The following GPR82 variants were observed in gnomAD, a reference collection of about 807,000 sequenced individuals.
GPR82 encodes probable G protein-coupled receptor 82.
In GPR82, 6 loss-of-function variants were observed where a neutral mutation model predicts 12.9. The ratio of observed to expected loss-of-function variants is 0.46; its 90% confidence interval spans 0.25 to 0.92. The LOEUF (loss-of-function observed/expected upper bound fraction) is 0.92, where lower values mean the gene tolerates loss of function less well. Ranked by LOEUF, GPR82 falls within the 40% of genes least tolerant of loss-of-function variation. GPR82 has a pLI of 0.16. For missense variants in GPR82, 241 were observed against 245.5 expected, an observed-to-expected ratio of 0.98 and a Z score of 0.12; for synonymous variants, 90 against 87.6, an observed-to-expected ratio of 1.03 and a Z score of -0.15.
At position 41,727,939 on chromosome X, in the gene GPR82, G is replaced by A; in HGVS notation, c.913G>A (p.Asp305Asn). The change falls in exon 3 of 3, where the codon GAC becomes AAC. Residue 305 changes from aspartate to asparagine, a missense_variant. Coordinates refer to ENST00000302548, the MANE Select transcript of GPR82 (RefSeq NM_080817.5). ...TCTTGCTTCGGCCAGAAGTAGCACA[G>A]ACCCCATTATATTTCTTTTATTAGA... is the stretch of plus-strand genomic sequence containing the variant. ...TCLASARSST[D>N]PIIFLLLDKT... 1 of 1,181,633 alleles carries A rather than the reference G, an allele frequency of 8.5e-7. No homozygotes were observed. The highest frequency in any genetic ancestry group is 1.2e-6 in the Non-Finnish European group (1 of 869,442).
chrX:41,729,781 A>AAT lies in GPR82; in HGVS notation c.*1769_*1770dup, dbSNP rs55635208. On this transcript the variant is annotated 3_prime_UTR_variant, in exon 3 of 3. Transcript: ENST00000302548. Reference sequence around the variant, plus strand: ...AAAAAAAAAAAAAAAAAAAAAAAAAAATATATATATATATATATATATATA... The same window carrying AAT: ...AAAAAAAAAAAAAAAAAAAAAAAAAAATATATATATATATATATATATATATA... 0.13 allele frequency: 4,855 copies of AAT among 38,384 alleles called. 345 individuals are homozygous for AAT. The highest frequency in any genetic ancestry group is 0.14 in the Non-Finnish European group (3,163 of 21,907). 3.2% of individuals were successfully genotyped at this position (38,384 alleles called of 1,213,427 possible).
intron 1 of GPR82, among the ~76,000 whole-genome samples, chrX:41,726,080 TG>T (rs1361562304): frequency 4.5e-5 from 5 of 112,126 alleles, no homozygotes; most frequent in Non-Finnish European, 9.4e-5. Flanking sequence ...CCCAAAGTGC[TG>T]GGATAACAGG....
chrX:41,725,386 C>CT (rs1481221345), intron 1 of GPR82, among the ~76,000 whole-genome samples: 30 of 110,884 alleles, frequency 2.7e-4, no homozygotes, highest in African/African-American at 9.5e-4. Flanking sequence ...CCCTGAGGGG[C>CT]TGGGGGGATA....
At position 41,727,922 on chromosome X, in the gene GPR82, C is replaced by T. The variant is rs761504013; in HGVS notation, c.896C>T (p.Ser299Leu). 23 of 1,191,862 alleles carry T rather than the reference C, an allele frequency of 1.9e-5. No individual in the cohort carries two copies. Among genetic ancestry groups the T allele is most frequent in the African/African-American group, 7.0e-5 (4 of 57,052 alleles). Residue 299 changes from serine (S) to leucine (L), a missense_variant, in exon 3 of 3, where the codon TCG (serine) becomes TTG (leucine). Transcript: ENST00000302548. The stretch of plus-strand genomic sequence containing the variant: ...AAAAACATTCTCACCTGTCTTGCTT[C>T]GGCCAGAAGTAGCACAGACCCCATT... ...ETKNILTCLA[S>L]ARSSTDPIIF... is the part of the protein sequence containing the mutation.
In GPR82 at chrX:41,728,589, C is replaced by G. The variant is rs1349064570; in HGVS notation, c.*552C>G. The G allele has an allele frequency of 2.8e-4, 34 of 119,886 alleles. No individual in the cohort carries two copies. The allele number at this position is 119,886 out of a possible 1,213,427, so 9.9% of individuals were successfully genotyped here. A position where few individuals can be genotyped will look rare whatever the true frequency, so the allele number is the denominator to read the frequency against. On this transcript the variant is annotated 3_prime_UTR_variant, in exon 3 of 3. Transcript: ENST00000302548. ...TGAAACCCTGTCTCTACTAAAAATA[C>G]AAAAATCAGCTGGACATGGTGGTGG...
At position 41,727,812 on chromosome X, in the gene GPR82, C is replaced by T. The variant is rs775208820; in HGVS notation, c.786C>T (p.Phe262=). 1 of 1,194,431 alleles carries T rather than the reference C, an allele frequency of 8.4e-7. No homozygotes were observed. Among genetic ancestry groups the T allele is most frequent in the Non-Finnish European group, 1.1e-6 (1 of 881,050 alleles). ...TCCAGATTCTACTAATAGTTTGCTT[C>T]CTTCCTTATAGTATTTTTAAACCCA... The part of the protein sequence containing the change: ...LVIQILLIVC[F]LPYSIFKPIF... The change falls in exon 3 of 3, where the codon TTC becomes TTT. Residue 262 remains phenylalanine, a synonymous_variant. Coordinates refer to ENST00000302548, the MANE Select transcript of GPR82 (RefSeq NM_080817.5).
Position 41,726,807 on chromosome X carries a change from T to G in GPR82, c.-71T>G. The G allele has an allele frequency of 3.6e-6, 1 of 279,418 alleles. No individual in the cohort carries two copies. Among genetic ancestry groups the G allele is most frequent in the Non-Finnish European group, 6.3e-6 (1 of 159,342 alleles). The allele number at this position is 279,418 out of a possible 1,213,427, so 23.0% of individuals were successfully genotyped here. ...TTATCCATCACAATAAGTAACTTTT[T>G]GTCTTTATTTCAACCGGACAATCGT... On this transcript the variant is annotated 5_prime_UTR_variant, in exon 2 of 3. Coordinates refer to ENST00000302548, the MANE Select transcript of GPR82 (RefSeq NM_080817.5).
Position 41,728,771 on chromosome X carries a change from T to TA in GPR82, c.*741dup. ...AACAAAACAAAAAAATAAAAATAAGTAAAAAAATAAATAAGAAATATCCTC... is the reference window on the plus strand; with the variant it reads ...AACAAAACAAAAAAATAAAAATAAGTAAAAAAAATAAATAAGAAATATCCTC... On this transcript the variant is annotated 3_prime_UTR_variant, in exon 3 of 3. Transcript: ENST00000302548. 8.2e-6 allele frequency: 1 copy of TA among 122,581 alleles called. No individual in the cohort carries two copies. Among genetic ancestry groups the TA allele is most frequent in the Non-Finnish European group, 1.9e-5 (1 of 53,002 alleles). 10.1% of individuals were successfully genotyped at this position (122,581 alleles called of 1,213,427 possible).
At chrX:41,726,146 G>A (rs958268575) in intron 1 of GPR82, among the ~76,000 whole-genome samples, 13 of 111,948 alleles carry the variant, frequency 1.2e-4, no homozygotes, top group African/African-American at 2.6e-4. Context: ...ACAGGGTCTC[G>A]CTATGTTGTC....
intron 2 of GPR82, 64 bp from the exon 3 acceptor site, chrX:41,726,929 C>A: frequency 2.4e-6 from 1 of 418,615 alleles, no homozygotes; most frequent in Non-Finnish European, 3.9e-6. Context: ...TTTTTAAAAA[C>A]TATTCAGCTT....
intron 1 of GPR82, among the ~76,000 whole-genome samples, chrX:41,725,478 T>C (rs1174838887): frequency 9.0e-6 from 1 of 111,104 alleles, no homozygotes; most frequent in Non-Finnish European, 1.9e-5. Context: ...TTGAGAAACC[T>C]TGCTCTAGAT....
chrX:41,729,130 T>C lies in GPR82; in HGVS notation c.*1093T>C, dbSNP rs969301671. The C allele has an allele frequency of 3.2e-5, 4 of 123,586 alleles. No individual in the cohort carries two copies. Among genetic ancestry groups the C allele is most frequent in the Non-Finnish European group, 5.6e-5 (3 of 53,361 alleles). 10.2% of individuals were successfully genotyped at this position (123,586 alleles called of 1,213,427 possible). A position where few individuals can be genotyped will look rare whatever the true frequency, so the allele number is the denominator to read the frequency against. ...TGAATAATAAGGGAGTGTAATAGTATTGCAGTTAAGAGATTGATCTCTGAA... is the reference window on the plus strand; with the variant it reads ...TGAATAATAAGGGAGTGTAATAGTACTGCAGTTAAGAGATTGATCTCTGAA... On this transcript the variant is annotated 3_prime_UTR_variant, in exon 3 of 3. Coordinates refer to ENST00000302548, the MANE Select transcript of GPR82 (RefSeq NM_080817.5).
At position 41,727,448 on chromosome X, in the gene GPR82, A is replaced by G; in HGVS notation, c.422A>G (p.His141Arg). Residue 141 changes from histidine to arginine, a missense_variant, in exon 3 of 3, where the codon CAT becomes CGT. Coordinates refer to ENST00000302548, the MANE Select transcript of GPR82 (RefSeq NM_080817.5). ...TGCTATGAGAAAATATTTTATGGCC[A>G]TTTACTGAAAAAATTTCGCCAGCCC... ...TSCYEKIFYG[H>R]LLKKFRQPNF... The G allele has an allele frequency of 1.7e-6, 2 of 1,210,110 alleles. No individual in the cohort carries two copies. The highest frequency in any genetic ancestry group is 2.2e-6 in the Non-Finnish European group (2 of 893,882).
rs181066988 is a variant in GPR82, at chrX:41,725,744, T to C, written c.-105-1029T>C. Among the ~76,000 whole-genome samples, 17 of 112,413 alleles carry C rather than the reference T, an allele frequency of 1.5e-4. 1 individual carries two copies. The East Asian group carries it at 3.9e-3, about 26-fold the overall frequency. Reference sequence around the variant, plus strand: ...AGACAGAAAAAAGTAAAAACCAGCATTTATGTTGTGATTAAAACATCATAT... The same window carrying C: ...AGACAGAAAAAAGTAAAAACCAGCACTTATGTTGTGATTAAAACATCATAT... On this transcript the variant is annotated intron_variant, in intron 1 of 2. Transcript: ENST00000302548.
At position 41,727,595 on chromosome X, in the gene GPR82, G is replaced by A; in HGVS notation, c.569G>A (p.Arg190Gln). 2 of 1,205,125 alleles carry A rather than the reference G, an allele frequency of 1.7e-6. No homozygotes were observed. Residue 190 changes from arginine (R) to glutamine (Q), a missense_variant, in exon 3 of 3, where the codon CGG becomes CAG. Transcript: ENST00000302548. ...TEGEESLCYN[R>Q]QMELGAMISQ... Reference sequence around the variant, plus strand: ...GGAGAAGAGAGCCTATGCTACAATCGGCAGATGGAACTAGGAGCCATGATC... The same window carrying A: ...GGAGAAGAGAGCCTATGCTACAATCAGCAGATGGAACTAGGAGCCATGATC...
chrX:41,725,113 T>G (rs974389219), intron 1 of GPR82, among the ~76,000 whole-genome samples: 4 of 111,761 alleles, frequency 3.6e-5, no homozygotes, highest in African/African-American at 1.3e-4. Context: ...AAACTTACAA[T>G]GAAGCATATG....
intron 1 of GPR82, among the ~76,000 whole-genome samples, chrX:41,725,520 G>A (rs2068245422): frequency 9.0e-6 from 1 of 111,414 alleles, no homozygotes; most frequent in Admixed American, 9.6e-5. Context: ...GTGCTCAGAA[G>A]GCTATGGTGA....
In GPR82 at chrX:41,727,977, G is replaced by A; in HGVS notation, c.951G>A (p.Lys317=). 2 of 1,154,065 alleles carry A rather than the reference G, an allele frequency of 1.7e-6. No individual in the cohort carries two copies. The highest frequency in any genetic ancestry group is 2.4e-6 in the Non-Finnish European group (2 of 847,568). Residue 317 remains lysine (K), a synonymous_variant, in exon 3 of 3, where the codon AAG becomes AAA. Coordinates refer to ENST00000302548, the MANE Select transcript of GPR82 (RefSeq NM_080817.5). ...IIFLLLDKTF[K]KTLYNLFTKS... The stretch of plus-strand genomic sequence containing the variant: ...TTCTTTTATTAGATAAAACATTCAA[G>A]AAGACACTATATAATCTCTTTACAA...
chrX:41,725,140 A>C (rs1602525840), intron 1 of GPR82, among the ~76,000 whole-genome samples: 1 of 112,061 alleles, frequency 8.9e-6, no homozygotes, highest in East Asian at 2.8e-4. Context: ...TTTCTAAATA[A>C]AAATAGCAAA....
Sources: allele counts gnomAD v4.1 joint callset (sites outside exome capture counted in the v4.1 genomes callset), GRCh38; gene constraint gnomAD v4.1.1; transcripts MANE v1.5; gene names NCBI Gene and HGNC (gene_info 2026-07-23, HGNC 2026-07-21).